Variants in TAOK3 observed in about 807,000 individuals in gnomAD.
TAOK3 encodes the protein serine/threonine-protein kinase TAO3.
In TAOK3, 40 loss-of-function variants were observed where a neutral mutation model predicts 120.4. That is an observed-to-expected ratio of 0.33 (90% CI 0.26 to 0.43). TAOK3 has a LOEUF of 0.43. TAOK3 is among the 20% of genes least tolerant of loss of function. TAOK3 has a pLI of 1.00. For synonymous variants in TAOK3, 355 were observed against 387.5 expected (o/e 0.92, Z 0.99); for missense variants, 821 against 1,112.1 (o/e 0.74, Z 3.72).
intron 3 of TAOK3, among the ~76,000 whole-genome samples, chr12:118,251,130 T>A (rs1276880489): frequency 6.6e-6 from 1 of 152,128 alleles, no homozygotes; most frequent in Non-Finnish European, 1.5e-5. Context: ...AGATTTACAT[T>A]TCTTTTTTCA....
chr12:118,159,891 T>C, intron 19 of TAOK3: 1 of 531,852 alleles, frequency 1.9e-6, no homozygotes, highest in East Asian at 3.3e-5. Flanking sequence ...ATCTATCACA[T>C]TTGCCCTCAA....
At chr12:118,168,952 C>CT in intron 17 of TAOK3, among the ~76,000 whole-genome samples, 2 of 149,946 alleles carry the variant, frequency 1.3e-5, no homozygotes, top group African/African-American at 4.9e-5. Context: ...AATCAGCTTG[C>CT]TTGCTTTCCT....
chr12:118,258,805 C>T (rs2041104239), intron 2 of TAOK3, among the ~76,000 whole-genome samples: 1 of 151,664 alleles, frequency 6.6e-6, no homozygotes, highest in African/African-American at 2.4e-5. Flanking sequence ...CAAAGATATA[C>T]CTTTTTGGAG....
Position 118,160,104 on chromosome 12 carries a change from C to A in TAOK3, c.2352+42G>T. Reference sequence around the variant, plus strand: ...GGCTGGATCTTGGATTTTCTTGATTCCCAAAGCTCTCGAAGCCGTGGCACC... The same window carrying A: ...GGCTGGATCTTGGATTTTCTTGATTACCAAAGCTCTCGAAGCCGTGGCACC... On this transcript the variant is annotated intron_variant, in intron 19 of 20. Coordinates refer to ENST00000392533, the MANE Select transcript of TAOK3 (RefSeq NM_016281.4). The surrounding 1 kb of genome is among the most constrained non-coding windows in gnomAD (Gnocchi z 4.2). 1 of 1,486,212 alleles carries A rather than the reference C, an allele frequency of 6.7e-7. No individual in the cohort carries two copies. The highest frequency in any genetic ancestry group is 9.4e-7 in the Non-Finnish European group (1 of 1,064,700). The allele number at this position is 1,486,212 out of a possible 1,614,324, so 92.1% of individuals were successfully genotyped here. A position where few individuals can be genotyped will look rare whatever the true frequency, so the allele number is the denominator to read the frequency against.
chr12:118,182,599 G>GTATATATATATATATATATATA (rs1212615187), intron 14 of TAOK3, among the ~76,000 whole-genome samples: 3 of 93,900 alleles, frequency 3.2e-5, no homozygotes, highest in East Asian at 3.7e-4. Context: ...GTGTGTGTGT[G>GTATATATATATATATATATATA]TATATATATA....
At chr12:118,197,412 T>A (rs2037783528) in intron 13 of TAOK3, among the ~76,000 whole-genome samples, 1 of 152,186 alleles carries the variant, frequency 6.6e-6, no homozygotes. Context: ...ACTCATATTA[T>A]CACAAGGTAG....
At chr12:118,205,685 G>A (rs1406467297) in intron 11 of TAOK3, among the ~76,000 whole-genome samples, 3 of 151,948 alleles carry the variant, frequency 2.0e-5, no homozygotes, top group African/African-American at 7.3e-5. Context: ...ATCTCAGCTC[G>A]CTGCAAACTC....
chr12:118,247,119 A>G (rs2040549142), intron 3 of TAOK3, among the ~76,000 whole-genome samples: 1 of 152,200 alleles, frequency 6.6e-6, no homozygotes, highest in African/African-American at 2.4e-5. Flanking sequence ...AGATTGTCCA[A>G]AAGAGTAACA....
At chr12:118,315,888 A>T (rs922731823) in intron 1 of TAOK3, among the ~76,000 whole-genome samples, 1 of 152,200 alleles carries the variant, frequency 6.6e-6, no homozygotes, top group Non-Finnish European at 1.5e-5. Context: ...GATAGTAAAT[A>T]AAGGAGACTG....
At chr12:118,215,416 G>A (rs2038849754) in intron 9 of TAOK3, among the ~76,000 whole-genome samples, 1 of 151,534 alleles carries the variant, frequency 6.6e-6, no homozygotes, top group African/African-American at 2.4e-5. Context: ...GGAGGCTGAG[G>A]CAGGAGAATG....
Position 118,160,401 on chromosome 12 carries a change from T to G in TAOK3, c.2140-43A>C. ...CAAAGGAAAAATAAAGGCACATCAGTAAATACAGAAAGCCTTCTACCATAA... is the reference window on the plus strand; with the variant it reads ...CAAAGGAAAAATAAAGGCACATCAGGAAATACAGAAAGCCTTCTACCATAA... On this transcript the variant is annotated intron_variant, in intron 18 of 20. Transcript: ENST00000392533. This position sits in a 1 kb window ranked among gnomAD's most constrained non-coding sequence, Gnocchi z 4.2. The G allele has an allele frequency of 2.0e-6, 3 of 1,518,064 alleles. No homozygotes were observed. The highest frequency in any genetic ancestry group is 2.7e-6 in the Non-Finnish European group (3 of 1,098,398). The allele number at this position is 1,518,064 out of a possible 1,614,324, so 94.0% of individuals were successfully genotyped here.
intron 1 of TAOK3, among the ~76,000 whole-genome samples, chr12:118,363,418 T>A (rs1418750151): frequency 6.6e-6 from 1 of 152,234 alleles, no homozygotes; most frequent in Admixed American, 6.5e-5. Context: ...CTAGGTTAGA[T>A]GTATAAGACA....
rs1593287235 is a variant in TAOK3, at chr12:118,246,611, G to A, written c.121-1646C>T. 22 of 1,574,820 alleles carry A rather than the reference G, an allele frequency of 1.4e-5. No homozygotes were observed. In the East Asian group the frequency reaches 2.3e-4, roughly 16 times the overall value. ...GCTACTGGGGGAACAAGATCGGCAA[G>A]CCCCACACTGTCCCTTGCAAGGTGA... is the stretch of plus-strand genomic sequence containing the variant. On this transcript the variant is annotated intron_variant, in intron 3 of 20. Coordinates refer to ENST00000392533, the MANE Select transcript of TAOK3 (RefSeq NM_016281.4).
chr12:118,312,548 A>G (rs2043302066), intron 1 of TAOK3, among the ~76,000 whole-genome samples: 1 of 152,196 alleles, frequency 6.6e-6, no homozygotes, highest in Non-Finnish European at 1.5e-5. Context: ...TTAAAGGCTT[A>G]TTACTAATAT....
At chr12:118,177,823 C>CA (rs1357996115) in intron 15 of TAOK3, among the ~76,000 whole-genome samples, 2 of 147,516 alleles carry the variant, frequency 1.4e-5, no homozygotes, top group Non-Finnish European at 3.0e-5. Flanking sequence ...AACTCTGTCT[C>CA]AAAAAAAGAA....
intron 9 of TAOK3, among the ~76,000 whole-genome samples, chr12:118,228,989 A>C (rs61945187): frequency 0.12 from 18,460 of 152,048 alleles, 1,211 homozygotes; most frequent in Middle Eastern, 0.15. Context: ...TGGCGTGATC[A>C]TGGCTCACTG....
intron 1 of TAOK3, among the ~76,000 whole-genome samples, chr12:118,309,545 T>C (rs1295136239): frequency 1.3e-5 from 2 of 151,794 alleles, no homozygotes; most frequent in African/African-American, 2.4e-5. Context: ...GATGAAGTCT[T>C]GCTCTTATCC....
chr12:118,361,556 C>T (rs2045599516), intron 1 of TAOK3, among the ~76,000 whole-genome samples: 1 of 148,060 alleles, frequency 6.8e-6, no homozygotes, highest in Non-Finnish European at 1.5e-5. Flanking sequence ...CTCCTGGGTT[C>T]AAGCGATTCT....
chr12:118,294,348 T>C (rs946837877), intron 1 of TAOK3, among the ~76,000 whole-genome samples: 5 of 152,174 alleles, frequency 3.3e-5, no homozygotes, highest in African/African-American at 9.6e-5. Flanking sequence ...TCTTTCACTA[T>C]AGATTAGTTT....
Sources: gnomAD v4.1 joint callset for allele counts (sites outside exome capture counted in the v4.1 genomes callset) on GRCh38, gnomAD v4.1.1 for gene constraint, Gnocchi (gnomAD v3.1) non-coding constraint, MANE v1.5 for transcripts, NCBI Gene and HGNC (gene_info 2026-07-23, HGNC 2026-07-21) for gene names.